Variants in ESRRA observed in about 807,000 individuals in gnomAD.
ESRRA encodes steroid hormone receptor ERR1.
In ESRRA, 7 loss-of-function variants were observed where a neutral mutation model predicts 35.6. That is an observed-to-expected ratio of 0.20 (90% CI 0.11 to 0.37). The LOEUF is 0.37. ESRRA is among the 10% of genes least tolerant of loss of function. The pLI is 1.00. For missense variants in ESRRA, 378 were observed against 561.7 expected (o/e 0.67, Z 3.31); for synonymous variants, 223 against 246.9 (o/e 0.90, Z 0.91).
rs2035051628 is a variant in ESRRA at position 64,307,199 on chromosome 11, G to C, written c.20G>C (p.Gly7Ala). Residue 7 changes from glycine to alanine, a missense_variant, in exon 2 of 7, where the codon GGC becomes GCC. Coordinates refer to ENST00000000442, the MANE Select transcript of ESRRA (RefSeq NM_004451.5). MSSQVV[G>A]IEPLYIKAEP... Reference sequence around the variant, plus strand: ...AGCGCCATGTCCAGCCAGGTGGTGGGCATTGAGCCTCTCTACATCAAGGCA... The same window carrying C: ...AGCGCCATGTCCAGCCAGGTGGTGGCCATTGAGCCTCTCTACATCAAGGCA... The C allele has an allele frequency of 1.9e-6, 3 of 1,594,026 alleles. No homozygotes were observed. The highest frequency in any genetic ancestry group is 1.3e-5 in the African/African-American group (1 of 74,586).
intron 2 of ESRRA, among the ~76,000 whole-genome samples, chr11:64,310,598 T>G (rs1022640957): frequency 1.5e-5 from 2 of 130,174 alleles, no homozygotes; most frequent in African/African-American, 6.0e-5. Context: ...CAGGCTGGAG[T>G]GCAACGGCCT....
chr11:64,315,330 A>C, intron 6 of ESRRA, 60 bp downstream of exon 6: 1 of 1,492,868 alleles, frequency 6.7e-7, no homozygotes, highest in Non-Finnish European at 9.0e-7. Flanking sequence ...AGGTTAACTC[A>C]GTGACGGTAG....
intron 2 of ESRRA, among the ~76,000 whole-genome samples, chr11:64,312,597 C>T (rs1322678427): frequency 6.6e-6 from 1 of 152,250 alleles, no homozygotes; most frequent in Non-Finnish European, 1.5e-5. Context: ...ATGTGCCAGG[C>T]CTCGTTGCTA....
chr11:64,315,628 A>G (rs1464420841), intron 6 of ESRRA, 79 bp from the exon 7 acceptor site: 2 of 1,559,980 alleles, frequency 1.3e-6, no homozygotes, highest in Non-Finnish European at 1.8e-6. Flanking sequence ...CTTAGGCCCC[A>G]TCCAGCAGTG....
chr11:64,314,070 G>A lies in ESRRA; in HGVS notation c.442+3G>A. 6.3e-7 allele frequency: 1 copy of A among 1,586,614 alleles called. No homozygotes were observed. The highest frequency in any genetic ancestry group is 8.6e-7 in the Non-Finnish European group (1 of 1,165,520). ...GCGGGTGGGCATGCTCAAGGAGGGT[G>A]AGCGCTGGGCAGGGGCTGGGCGAGG... is the stretch of plus-strand genomic sequence containing the variant. On this transcript the variant is annotated splice_donor_region_variant and intron_variant, in intron 3 of 6. Transcript: ENST00000000442.
intron 2 of ESRRA, among the ~76,000 whole-genome samples, chr11:64,307,933 T>C (rs2135248993): frequency 6.6e-6 from 1 of 152,170 alleles, no homozygotes; most frequent in South Asian, 2.1e-4. Flanking sequence ...CACTCTGTTG[T>C]TCAGGCTAGA....
Position 64,313,299 on chromosome 11 carries a change from C to T in ESRRA, c.326-652C>T, listed in dbSNP as rs988321567. Among the ~76,000 whole-genome samples the T allele has an allele frequency of 1.3e-5, 2 of 152,088 alleles. No homozygotes were observed. Among genetic ancestry groups the T allele is most frequent in the African/African-American group, 2.4e-5 (1 of 41,382 alleles). The stretch of plus-strand genomic sequence containing the variant: ...GAGTCCACGTAGGCTGTGTTCGGTC[C>T]GAGATGCCTTCTAGACATGCAGGAT... On this transcript the variant is annotated intron_variant, in intron 2 of 6. Coordinates refer to ENST00000000442, the MANE Select transcript of ESRRA (RefSeq NM_004451.5). The surrounding 1 kb of genome is among the most constrained non-coding windows in gnomAD (Gnocchi z 4.0).
intron 1 of ESRRA, chr11:64,306,229 G>A (rs1306537432): frequency 6.6e-6 from 1 of 152,344 alleles, no homozygotes; most frequent in African/African-American, 2.4e-5. Flanking sequence ...TAACCTGGTA[G>A]AGGTCTCCCG....
intron 6 of ESRRA, 24 bp downstream of exon 6, chr11:64,315,294 AG>A (rs760751311): frequency 1.3e-6 from 2 of 1,528,904 alleles, no homozygotes; most frequent in African/African-American, 2.8e-5. Flanking sequence ...AGGCACTGAC[AG>A]GTGAGGTGTC....
intron 2 of ESRRA, among the ~76,000 whole-genome samples, chr11:64,310,182 T>C (rs1280237791): frequency 6.6e-6 from 1 of 151,510 alleles, no homozygotes; most frequent in African/African-American, 2.4e-5. Context: ...TGCTTATTAC[T>C]AATAACACCG....
intron 1 of ESRRA, among the ~76,000 whole-genome samples, chr11:64,306,007 C>G (rs2035023749): frequency 6.6e-6 from 1 of 152,060 alleles, no homozygotes; most frequent in African/African-American, 2.4e-5. Flanking sequence ...CGATCCAGCC[C>G]GCTCCGGGGC....
In ESRRA at chr11:64,305,926, T is replaced by A. The variant is rs1008030042; in HGVS notation, c.-13+190T>A. 6.6e-6 allele frequency among the ~76,000 whole-genome samples: 1 copy of A among 151,716 alleles called. No individual in the cohort carries two copies. The highest frequency in any genetic ancestry group is 1.5e-5 in the Non-Finnish European group (1 of 67,904). On this transcript the variant is annotated intron_variant, in intron 1 of 6. Transcript: ENST00000000442. The surrounding 1 kb of genome is among the most constrained non-coding windows in gnomAD (Gnocchi z 5.8). ...GTTCAGGCGGGATCCGGCGTCCGAG[T>A]CCTGGTGGGCCGGCCTGGGGCAGGA... is the stretch of plus-strand genomic sequence containing the variant.
intron 6 of ESRRA, 151 bp downstream of exon 6, chr11:64,315,421 T>C: frequency 9.8e-7 from 1 of 1,021,556 alleles, no homozygotes; most frequent in South Asian, 1.7e-5. Context: ...GCAAGCCAAG[T>C]GCAGGCTCCA....
Position 64,316,677 on chromosome 11 carries a change from C to G in ESRRA, c.*711C>G. On this transcript the variant is annotated 3_prime_UTR_variant, in exon 7 of 7. Transcript: ENST00000000442. ...ACTCTATTTTAATGTATATTTGCTG[C>G]AAAGAGAAACCGCTTTTGGTTTTAA... 3.3e-6 allele frequency: 2 copies of G among 604,900 alleles called. No homozygotes were observed. Among genetic ancestry groups the G allele is most frequent in the South Asian group, 4.2e-5 (2 of 48,030 alleles). The allele number at this position is 604,900 out of a possible 1,614,324, so 37.5% of individuals were successfully genotyped here.
In ESRRA at chr11:64,313,425, T is replaced by C. The variant is rs1215472991; in HGVS notation, c.326-526T>C. 6.6e-6 allele frequency among the ~76,000 whole-genome samples: 1 copy of C among 152,086 alleles called. No homozygotes were observed. Among genetic ancestry groups the C allele is most frequent in the African/African-American group, 2.4e-5 (1 of 41,400 alleles). On this transcript the variant is annotated intron_variant, in intron 2 of 6. Coordinates refer to ENST00000000442, the MANE Select transcript of ESRRA (RefSeq NM_004451.5). This position sits in a 1 kb window ranked among gnomAD's most constrained non-coding sequence, Gnocchi z 4.0. Reference sequence around the variant, plus strand: ...ACGGCTGGGGAAGATTGCCATGGGATTGGAGATGAGCTCCAAGGACAGCCC... The same window carrying C: ...ACGGCTGGGGAAGATTGCCATGGGACTGGAGATGAGCTCCAAGGACAGCCC...
Position 64,307,313 on chromosome 11 carries a change from G to C in ESRRA, c.134G>C (p.Arg45Pro). The C allele has an allele frequency of 6.2e-7, 1 of 1,613,038 alleles. No individual in the cohort carries two copies. Among genetic ancestry groups the C allele is most frequent in the South Asian group, 1.1e-5 (1 of 90,986 alleles). The part of the protein sequence containing the change: ...VALAPGPAPT[R>P]CLPGHKEEED... Reference sequence around the variant, plus strand: ...CTGGCCCCTGGTCCAGCTCCCACTCGCTGCCTCCCAGGCCACAAGGAAGAG... The same window carrying C: ...CTGGCCCCTGGTCCAGCTCCCACTCCCTGCCTCCCAGGCCACAAGGAAGAG... Residue 45 changes from arginine (R) to proline (P), a missense_variant, in exon 2 of 7, where the codon CGC becomes CCC. This residue lies in a region of ESRRA where 87 missense variants were observed against 92.6 expected (regional missense o/e 0.94). Coordinates refer to ENST00000000442, the MANE Select transcript of ESRRA (RefSeq NM_004451.5).
rs370988249 is a variant in ESRRA, at chr11:64,307,498, A to G, written c.319A>G (p.Ile107Val). Residue 107 changes from isoleucine (I) to valine (V), a missense_variant, in exon 2 of 7, where the codon ATC becomes GTC. Physicochemically the swap from Ile to Val is conservative, Grantham distance 29 (BLOSUM62 3). Transcript: ENST00000000442. ...CTGCAAAGCCTTCTTCAAGAGGACC[A>G]TCCAGGGTGAGCCCCCAGCCCACTC... ...EACKAFFKRT[I>V]QGSIEYSCPA... 2.0e-6 allele frequency: 3 copies of G among 1,507,970 alleles called. No homozygotes were observed. Among genetic ancestry groups the G allele is most frequent in the Non-Finnish European group, 2.7e-6 (3 of 1,126,828 alleles). 93.4% of individuals were successfully genotyped at this position (1,507,970 alleles called of 1,614,324 possible). A position where few individuals can be genotyped will look rare whatever the true frequency, so the allele number is the denominator to read the frequency against.
chr11:64,315,684 A>AC (rs1204218680), intron 6 of ESRRA, 23 bp from the exon 7 acceptor site: 11 of 1,611,812 alleles, frequency 6.8e-6, no homozygotes, highest in Non-Finnish European at 9.3e-6. Flanking sequence ...CCAGGCCAAC[A>AC]CCACATTCCT....
chr11:64,315,047 C>T lies in ESRRA; in HGVS notation c.789C>T (p.Ser263=), dbSNP rs1391833903. ...SLSDQMSVLQ[S]VWMEVLVLGV... ...CTGACCAGATGTCAGTACTGCAGAG[C>T]GTGTGGATGGAGGTGCTGGTGCTGG... The change falls in exon 6 of 7, where the codon AGC becomes AGT. Residue 263 remains serine (S), a synonymous_variant. Transcript: ENST00000000442. 2.5e-6 allele frequency: 4 copies of T among 1,608,458 alleles called. No homozygotes were observed. The highest frequency in any genetic ancestry group is 1.7e-5 in the Admixed American group (1 of 59,632).
Sources: gnomAD v4.1 joint callset for allele counts (sites outside exome capture counted in the v4.1 genomes callset) on GRCh38, gnomAD v4.1.1 for gene constraint, gnomAD v4.1.1 regional missense constraint, Gnocchi (gnomAD v3.1) non-coding constraint, MANE v1.5 for transcripts, NCBI Gene and HGNC (gene_info 2026-07-23, HGNC 2026-07-21) for gene names.